ZNF780B: variants seen among roughly 807,000 people sequenced by gnomAD.
The protein encoded by ZNF780B is zinc finger protein 779.
Under a neutral mutation model 74.1 loss-of-function variants are expected in ZNF780B, and 52 were observed. The ratio of observed to expected loss-of-function variants is 0.70; its 90% CI spans 0.56 to 0.88. ZNF780B has a LOEUF of 0.88. Among genes scored for constraint, ZNF780B ranks in the 40% least tolerant of loss-of-function variants. The pLI is 0.00. For synonymous variants in ZNF780B, 315 were observed against 324.3 expected, an observed-to-expected ratio of 0.97 and a Z score of 0.31; for missense variants, 953 against 1,007.6, an observed-to-expected ratio of 0.95 and a Z score of 0.73.
chr19:40,038,598 A>T (rs1346285967), intron 4 of ZNF780B, among the ~76,000 whole-genome samples: 13 of 149,260 alleles, frequency 8.7e-5, no homozygotes, highest in Admixed American at 8.0e-4. Flanking sequence ...CTTTTTAATG[A>T]TCGCCATTCT....
chr19:40,055,264 G>A (rs1173591657), intron 1 of ZNF780B, among the ~76,000 whole-genome samples: 2 of 152,086 alleles, frequency 1.3e-5, no homozygotes, highest in Non-Finnish European at 2.9e-5. Flanking sequence ...GGGAGCGGGC[G>A]GGGTGGGGAA....
intron 4 of ZNF780B, among the ~76,000 whole-genome samples, chr19:40,043,528 C>T (rs1972771587): frequency 6.6e-6 from 1 of 152,246 alleles, no homozygotes; most frequent in African/African-American, 2.4e-5. Flanking sequence ...CAGAGGCAGG[C>T]AGTCCTCCTT....
In ZNF780B at chr19:40,030,748, T is replaced by A. The variant is rs1281129272; in HGVS notation, c.*3609A>T. 6.6e-6 allele frequency: 1 copy of A among 152,174 alleles called. No individual in the cohort carries two copies. Among genetic ancestry groups the A allele is most frequent in the Non-Finnish European group, 1.5e-5 (1 of 68,044 alleles). The allele number at this position is 152,174 out of a possible 1,614,324, so 9.4% of individuals were successfully genotyped here. ...AGTTTCACCGAAAGGCTGCCAGGGA[T>A]CTTTCTGACAACTCTTAATGATACT... On this transcript the variant is annotated 3_prime_UTR_variant, in exon 5 of 5. Transcript: ENST00000434248.
chr19:40,047,511 A>G (rs1397753638), intron 3 of ZNF780B, 41 bp from the exon 4 acceptor site: 12 of 1,480,102 alleles, frequency 8.1e-6, no homozygotes, highest in Admixed American at 2.3e-5. Flanking sequence ...TTTTTAATAT[A>G]AAAATTTTTT....
intron 1 of ZNF780B, chr19:40,055,606 G>C (rs1173312032): frequency 6.6e-6 from 1 of 152,142 alleles, no homozygotes; most frequent in African/African-American, 2.4e-5. Context: ...GAAATAAAAG[G>C]AGGAGGAATC....
At chr19:40,037,122 C>T (rs1054796647) in intron 4 of ZNF780B, among the ~76,000 whole-genome samples, 1 of 151,908 alleles carries the variant, frequency 6.6e-6, no homozygotes, top group Non-Finnish European at 1.5e-5. Flanking sequence ...ACAATGTTGG[C>T]CAGGCTGGTC....
At position 40,032,116 on chromosome 19, in the gene ZNF780B, C is replaced by T. The variant is rs1315062327; in HGVS notation, c.*2241G>A. On this transcript the variant is annotated 3_prime_UTR_variant, in exon 5 of 5. Transcript: ENST00000434248. The stretch of plus-strand genomic sequence containing the variant: ...GACACTATAAAGAAAGAAATCTAAA[C>T]ACATAGCCAACAACATTTCTGGGCT... The T allele has an allele frequency of 2.2e-6, 1 of 447,890 alleles. No homozygotes were observed. Among genetic ancestry groups the T allele is most frequent in the Non-Finnish European group, 4.4e-6 (1 of 224,736 alleles). 27.7% of individuals were successfully genotyped at this position (447,890 alleles called of 1,614,324 possible).
Position 40,035,308 on chromosome 19 carries a change from A to T in ZNF780B, c.1551T>A (p.Val517=), listed in dbSNP as rs772512252. ...CACCAGTGTGAATACTCTGATGTTG[A>T]ACAAGGTTCGAGCCACGATTGAAGG... is the stretch of plus-strand genomic sequence containing the variant. ...GKAFNRGSNL[V]QHQSIHTGEK... Residue 517 remains valine (V), a synonymous_variant, in exon 5 of 5, where the codon GTT becomes GTA. Transcript: ENST00000434248. The T allele has an allele frequency of 1.1e-5, 17 of 1,614,148 alleles. 2 individuals carry two copies. In the South Asian group the frequency reaches 1.8e-4, roughly 17 times the overall value.
In ZNF780B at chr19:40,036,367, T is replaced by C. The variant is rs768699330; in HGVS notation, c.492A>G (p.Pro164=). 1.9e-6 allele frequency: 3 copies of C among 1,612,746 alleles called. No homozygotes were observed. The South Asian group carries it at 3.3e-5, about 18-fold the overall frequency. ...HASPIHNTHK[P]YECKECGKYF... Reference sequence around the variant, plus strand: ...ATTTCCCACATTCCTTACATTCATATGGTTTATGTGTATTATGAATAGGAG... The same window carrying C: ...ATTTCCCACATTCCTTACATTCATACGGTTTATGTGTATTATGAATAGGAG... The change falls in exon 5 of 5, where the codon CCA becomes CCG. Residue 164 remains proline (P), a synonymous_variant. Coordinates refer to ENST00000434248, the MANE Select transcript of ZNF780B (RefSeq NM_001005851.3).
intron 2 of ZNF780B, among the ~76,000 whole-genome samples, 173 bp downstream of exon 2, chr19:40,050,151 C>G (rs915745724): frequency 7.0e-6 from 1 of 143,326 alleles, no homozygotes; most frequent in Admixed American, 7.3e-5. Context: ...GAGCCAAGAT[C>G]GCACCACTGC....
rs1464802879 is a variant in ZNF780B at position 40,032,601 on chromosome 19, C to A, written c.*1756G>T. ...GGCATGGTGGCGGGTGCCTCTAGTC[C>A]CAGCTACTCAGGAGGCTGAGGCGGG... On this transcript the variant is annotated 3_prime_UTR_variant, in exon 5 of 5. Coordinates refer to ENST00000434248, the MANE Select transcript of ZNF780B (RefSeq NM_001005851.3). 5.6e-6 allele frequency: 1 copy of A among 179,462 alleles called. No individual in the cohort carries two copies. The highest frequency in any genetic ancestry group is 1.7e-4 in the East Asian group (1 of 5,792). 11.1% of individuals were successfully genotyped at this position (179,462 alleles called of 1,614,324 possible).
Position 40,033,000 on chromosome 19 carries a change from C to A in ZNF780B, c.*1357G>T, listed in dbSNP as rs1377639043. On this transcript the variant is annotated 3_prime_UTR_variant, in exon 5 of 5. Coordinates refer to ENST00000434248, the MANE Select transcript of ZNF780B (RefSeq NM_001005851.3). The stretch of plus-strand genomic sequence containing the variant: ...AAAAATAAATGTGGCAAATTGTTAA[C>A]AATTTTGAATCTAGGTGGGGGGGAT... 2 of 152,256 alleles carry A rather than the reference C, an allele frequency of 1.3e-5. No homozygotes were observed. The highest frequency in any genetic ancestry group is 1.5e-5 in the Non-Finnish European group (1 of 68,160). 9.4% of individuals were successfully genotyped at this position (152,256 alleles called of 1,614,324 possible).
chr19:40,048,994 T>C (rs1002524367), intron 2 of ZNF780B, 198 bp from the exon 3 acceptor site: 8 of 732,566 alleles, frequency 1.1e-5, no homozygotes, highest in African/African-American at 1.1e-4. Flanking sequence ...GAGACCAAGG[T>C]GGAAGGACTG....
At position 40,030,976 on chromosome 19, in the gene ZNF780B, A is replaced by G. The variant is rs1228880042; in HGVS notation, c.*3381T>C. On this transcript the variant is annotated 3_prime_UTR_variant, in exon 5 of 5. Transcript: ENST00000434248. ...AACATCATTGCAATATCAATACCTG[A>G]AAAATACTTGGAAAATTATAACTTT... 2.0e-5 allele frequency: 3 copies of G among 152,250 alleles called. No individual in the cohort carries two copies. Among genetic ancestry groups the G allele is most frequent in the Non-Finnish European group, 4.4e-5 (3 of 68,052 alleles). The allele number at this position is 152,250 out of a possible 1,614,324, so 9.4% of individuals were successfully genotyped here.
rs1186092127 is a variant in ZNF780B at position 40,036,195 on chromosome 19, CAA to C, written c.662_663del (p.Phe221Ter). 3 of 1,612,970 alleles carry C rather than the reference CAA, an allele frequency of 1.9e-6. No homozygotes were observed. The highest frequency in any genetic ancestry group is 2.2e-5 in the East Asian group (1 of 44,866). ...AAGGCTTTTCCACATTCCTTACATT[CAA>C]AAGTTTTCTCACCAGTATGAAATTT... is the stretch of plus-strand genomic sequence containing the variant. Reference protein sequence around the residue: ...HQKFHTGEKTFECKECGKAFN... With the variant: ...HQKFHTGEKTXECKECGKAFN... On this transcript the variant is annotated frameshift_variant, in exon 5 of 5. Transcript: ENST00000434248. LOFTEE classifies it high-confidence loss of function.
rs1314942054 is a variant in ZNF780B at position 40,033,377 on chromosome 19, T to A, written c.*980A>T. On this transcript the variant is annotated 3_prime_UTR_variant, in exon 5 of 5. Coordinates refer to ENST00000434248, the MANE Select transcript of ZNF780B (RefSeq NM_001005851.3). ...AGGTACGCCTGTATCCAGTAAAATA[T>A]TTCACGGGCAGTAAACTGTGAACAT... 1 of 154,894 alleles carries A rather than the reference T, an allele frequency of 6.5e-6. No individual in the cohort carries two copies. Among genetic ancestry groups the A allele is most frequent in the African/African-American group, 2.4e-5 (1 of 41,526 alleles). 9.6% of individuals were successfully genotyped at this position (154,894 alleles called of 1,614,324 possible). A position where few individuals can be genotyped will look rare whatever the true frequency, so the allele number is the denominator to read the frequency against.
chr19:40,051,311 C>G (rs543735690), intron 1 of ZNF780B, among the ~76,000 whole-genome samples: 1 of 151,470 alleles, frequency 6.6e-6, no homozygotes, highest in African/African-American at 2.4e-5. Flanking sequence ...TTTTTTCTTG[C>G]GAGGAAATTG....
chr19:40,050,246 G>A, intron 2 of ZNF780B, 78 bp downstream of exon 2: 1 of 1,181,404 alleles, frequency 8.5e-7, no homozygotes, highest in Non-Finnish European at 1.2e-6. Context: ...ACGTAAGAAG[G>A]TTCAGGTTTA....
rs1972180920 is a variant in ZNF780B at position 40,034,962 on chromosome 19, T to A, written c.1897A>T (p.Asn633Tyr). The A allele has an allele frequency of 1.9e-6, 3 of 1,613,972 alleles. No homozygotes were observed. In the East Asian group the frequency reaches 6.7e-5, roughly 36 times the overall value. The change falls in exon 5 of 5, where the codon AAC becomes TAC. Residue 633 changes from asparagine to tyrosine, a missense_variant. Coordinates refer to ENST00000434248, the MANE Select transcript of ZNF780B (RefSeq NM_001005851.3). ...SLHTQLNHHK[N>Y]IHTGEKPFKC... ...AATGGCTTCTCACCTGTGTGAATGT[T>A]CTTATGGTGATTAAGCTGGGTGTGA... is the stretch of plus-strand genomic sequence containing the variant.
Sources: gnomAD v4.1 joint callset for allele counts (sites outside exome capture counted in the v4.1 genomes callset) on GRCh38, gnomAD v4.1.1 for gene constraint, MANE v1.5 for transcripts, NCBI Gene and HGNC (gene_info 2026-07-23, HGNC 2026-07-21) for gene names.